Variants in CPN1 observed in about 807,000 individuals in gnomAD.
CPN1 encodes carboxypeptidase N subunit 1.
CPN1 carries 37 observed loss-of-function variants against 46.4 expected under a neutral mutation model. The observed-to-expected ratio is 0.80, with a 90% CI of 0.61 to 1.05. CPN1 has a LOEUF of 1.05. Ranked by LOEUF, CPN1 falls within the 50% of genes least tolerant of loss-of-function variation. The pLI, the probability that CPN1 is intolerant of heterozygous loss-of-function variation, is 0.00. For synonymous variants in CPN1, 224 were observed against 235.4 expected, an observed-to-expected ratio of 0.95 and a Z score of 0.44; for missense variants, 563 against 602.6, an observed-to-expected ratio of 0.93 and a Z score of 0.69.
At chr10:100,059,592 C>CAAAAAAAAA (rs71013408) in intron 5 of CPN1, among the ~76,000 whole-genome samples, 1 of 115,098 alleles carries the variant, frequency 8.7e-6, no homozygotes, top group Non-Finnish European at 1.8e-5. Context: ...TGGCTACTAT[C>CAAAAAAAAA]AAAAAAAAAA....
Position 100,057,214 on chromosome 10 carries a change from ATCTC to A in CPN1, c.872-66_872-63del, listed in dbSNP as rs143421246. ...AGGTTCCCACCCAATGCCCCATCTC[ATCTC>A]TCTCTCTCTCTTTTTAAAATTTTCT... On this transcript the variant is annotated intron_variant, in intron 5 of 8. Coordinates refer to ENST00000370418, the MANE Select transcript of CPN1 (RefSeq NM_001308.3). The A allele has an allele frequency of 3.9e-5, 60 of 1,543,352 alleles. No individual in the cohort carries two copies. In the African/African-American group the frequency reaches 5.5e-4, roughly 14 times the overall value.
intron 2 of CPN1, among the ~76,000 whole-genome samples, 159 bp downstream of exon 2, chr10:100,075,752 T>C (rs758879055): frequency 1.3e-5 from 2 of 152,232 alleles, no homozygotes; most frequent in Non-Finnish European, 2.9e-5. Context: ...CTCTTCATCC[T>C]TTCTTATATT....
At position 100,042,209 on chromosome 10, in the gene CPN1, C is replaced by A; in HGVS notation, c.*218G>T. 1 of 571,368 alleles carries A rather than the reference C, an allele frequency of 1.8e-6. No homozygotes were observed. Among genetic ancestry groups the A allele is most frequent in the Non-Finnish European group, 3.1e-6 (1 of 327,606 alleles). The allele number at this position is 571,368 out of a possible 1,614,324, so 35.4% of individuals were successfully genotyped here. A position where few individuals can be genotyped will look rare whatever the true frequency, so the allele number is the denominator to read the frequency against. On this transcript the variant is annotated 3_prime_UTR_variant, in exon 9 of 9. Transcript: ENST00000370418. ...AAAGTGCTAGGATTACAGATGTGAG[C>A]CACCACACCCGGCCACCACATCACC...
At position 100,065,361 on chromosome 10, in the gene CPN1, C is replaced by T. The variant is rs2041449028; in HGVS notation, c.586G>A (p.Glu196Lys). 1 of 1,614,168 alleles carries T rather than the reference C, an allele frequency of 6.2e-7. No homozygotes were observed. The highest frequency in any genetic ancestry group is 8.5e-7 in the Non-Finnish European group (1 of 1,180,030). Residue 196 changes from glutamate (E) to lysine (K), a missense_variant, in exon 4 of 9, where the codon GAG becomes AAG. Physicochemically the swap from Glu to Lys is moderately conservative, Grantham distance 56 (BLOSUM62 1). Coordinates refer to ENST00000370418, the MANE Select transcript of CPN1 (RefSeq NM_001308.3). ...PDNWKSQVEP[E>K]TRAVIRWMHS... The stretch of plus-strand genomic sequence containing the variant: ...ATCCACCGGATCACCGCCCGGGTCT[C>T]GGGTTCCACCTGGGAGGAGGCGAGA...
At position 100,063,717 on chromosome 10, in the gene CPN1, C is replaced by G. The variant is rs144347849; in HGVS notation, c.768G>C (p.Lys256Asn). The change falls in exon 5 of 9, where the codon AAG becomes AAC. Residue 256 changes from lysine (K) to asparagine (N), a missense_variant. Lys to Asn is a moderately conservative substitution (Grantham distance 94, BLOSUM62 0). Transcript: ENST00000370418. ...TCCATCCATGTGCATAGGAGTAGAC[C>G]TTGGCCAGCTAGAGGAAAAGCAGGA... ...PDDKLFQKLAKVYSYAHGWMF... is the reference protein window; with the variant it reads ...PDDKLFQKLANVYSYAHGWMF... The G allele has an allele frequency of 1.2e-6, 2 of 1,613,580 alleles. No individual in the cohort carries two copies. Among genetic ancestry groups the G allele is most frequent in the Non-Finnish European group, 1.7e-6 (2 of 1,179,696 alleles).
intron 2 of CPN1, among the ~76,000 whole-genome samples, chr10:100,070,309 C>A (rs944413197): frequency 6.6e-6 from 1 of 151,966 alleles, no homozygotes; most frequent in African/African-American, 2.4e-5. Context: ...TGGTGAAACA[C>A]CATCTCTACT....
chr10:100,067,862 G>A (rs7477551), intron 3 of CPN1, among the ~76,000 whole-genome samples: 55,540 of 151,788 alleles, frequency 0.37, 10,393 homozygotes, highest in Non-Finnish European at 0.41. Flanking sequence ...TCATATAGAA[G>A]GGGAAAAGGG....
At chr10:100,056,991 G>A (rs1208637428) in intron 6 of CPN1, 22 bp downstream of exon 6, 2 of 1,614,084 alleles carry the variant, frequency 1.2e-6, no homozygotes, top group South Asian at 1.1e-5. Flanking sequence ...GCAAACATGA[G>A]AGTTAACAAA....
Position 100,048,838 on chromosome 10 carries a change from T to C in CPN1, c.1150A>G (p.Ile384Val), listed in dbSNP as rs1379643152. 1.2e-6 allele frequency: 2 copies of C among 1,613,858 alleles called. No homozygotes were observed. The highest frequency in any genetic ancestry group is 1.7e-6 in the Non-Finnish European group (2 of 1,179,792). The change falls in exon 8 of 9, where the codon ATC becomes GTC. Residue 384 changes from isoleucine (I) to valine (V), a missense_variant. By Grantham distance (29) the Ile-to-Val change is conservative. Transcript: ENST00000370418. The part of the protein sequence containing the change: ...GDYFRLLLPG[I>V]YTVSATAPGY... ...GGTGCTGTGGCACTAACAGTGTAGATACCTGGAAGCAGCAGCCGGAAGTAA... is the reference window on the plus strand; with the variant it reads ...GGTGCTGTGGCACTAACAGTGTAGACACCTGGAAGCAGCAGCCGGAAGTAA...
chr10:100,067,971 G>A (rs1048100260), intron 3 of CPN1, among the ~76,000 whole-genome samples: 4 of 151,736 alleles, frequency 2.6e-5, no homozygotes, highest in Admixed American at 2.0e-4. Context: ...GACCAACATG[G>A]TAAAACCCTG....
intron 3 of CPN1, 134 bp from the exon 4 acceptor site, chr10:100,065,504 A>G: frequency 2.2e-6 from 2 of 916,964 alleles, no homozygotes. Context: ...CCTGGCGGAT[A>G]TGAAAAGTGG....
intron 5 of CPN1, among the ~76,000 whole-genome samples, chr10:100,061,917 C>A (rs1305754731): frequency 6.6e-6 from 1 of 152,124 alleles, no homozygotes; most frequent in African/African-American, 2.4e-5. Flanking sequence ...TCATAGCTCA[C>A]TGTAGCCTTG....
intron 5 of CPN1, among the ~76,000 whole-genome samples, chr10:100,058,124 C>T (rs976458496): frequency 3.3e-5 from 5 of 152,060 alleles, no homozygotes; most frequent in African/African-American, 9.7e-5. Context: ...TCTGCAGTTT[C>T]GTTTCCTCTC....
chr10:100,076,089 T>A lies in CPN1; in HGVS notation c.242A>T (p.Tyr81Phe). Residue 81 changes from tyrosine to phenylalanine, a missense_variant, in exon 2 of 9, where the codon TAT becomes TTT. Tyr to Phe is a conservative substitution (Grantham distance 22). Coordinates refer to ENST00000370418, the MANE Select transcript of CPN1 (RefSeq NM_001308.3). ...IHEPLEPEVK[Y>F]VGNMHGNEAL... ...TTCGTTGCCGTGCATGTTCCCCACA[T>A]ACTTGACCTCTGGTTCCACTGCAAG... 2 of 1,614,210 alleles carry A rather than the reference T, an allele frequency of 1.2e-6. No homozygotes were observed. The highest frequency in any genetic ancestry group is 1.7e-6 in the Non-Finnish European group (2 of 1,180,046).
intron 7 of CPN1, among the ~76,000 whole-genome samples, chr10:100,049,165 G>A (rs2041335523): frequency 6.6e-6 from 1 of 151,688 alleles, no homozygotes; most frequent in Non-Finnish European, 1.5e-5. Flanking sequence ...CATCATGTTG[G>A]CCAGGCTAAT....
chr10:100,074,671 C>T (rs1419103987), intron 2 of CPN1, among the ~76,000 whole-genome samples: 2 of 152,104 alleles, frequency 1.3e-5, no homozygotes, highest in Non-Finnish European at 2.9e-5. Flanking sequence ...CCCACCTCAG[C>T]CTCCCAAAGT....
intron 5 of CPN1, among the ~76,000 whole-genome samples, chr10:100,061,082 T>C (rs1177406780): frequency 8.0e-6 from 1 of 125,740 alleles, no homozygotes; most frequent in Admixed American, 9.3e-5. Flanking sequence ...TACCAGAGGC[T>C]GGGAAGGATG....
At position 100,049,178 on chromosome 10, in the gene CPN1, C is replaced by T. The variant is rs566242597; in HGVS notation, c.1112-302G>A. On this transcript the variant is annotated intron_variant, in intron 7 of 8. Transcript: ENST00000370418. ...TTCATCATGTTGGCCAGGCTAATAT[C>T]GAACCCCTGACCTCAGGTGATCTGC... Among the ~76,000 whole-genome samples the T allele has an allele frequency of 6.6e-5, 10 of 151,772 alleles. No individual in the cohort carries two copies. In the South Asian group the frequency reaches 8.3e-4, roughly 13 times the overall value.
At chr10:100,051,464 C>G (rs1564771142) in intron 7 of CPN1, among the ~76,000 whole-genome samples, 3 of 152,044 alleles carry the variant, frequency 2.0e-5, no homozygotes, top group Non-Finnish European at 2.9e-5. Flanking sequence ...CTCATCAACA[C>G]TAGATGCTTT....
Sources: gnomAD v4.1 joint callset for allele counts (sites outside exome capture counted in the v4.1 genomes callset) on GRCh38, gnomAD v4.1.1 for gene constraint, MANE v1.5 for transcripts, NCBI Gene and HGNC (gene_info 2026-07-23, HGNC 2026-07-21) for gene names.